Variants in OTOA observed in about 807,000 individuals in gnomAD.
OTOA encodes cancer/testis antigen 108.
Under a neutral mutation model 110.8 loss-of-function variants are expected in OTOA, and 70 were observed. The ratio of observed to expected loss-of-function variants is 0.63; its 90% CI spans 0.52 to 0.77. OTOA has a LOEUF of 0.77. Ranked by LOEUF, OTOA falls within the 30% of genes least tolerant of loss-of-function variation. The pLI, the probability that OTOA is intolerant of heterozygous loss-of-function variation, is 0.00. For missense variants in OTOA, 917 were observed against 1,075.8 expected, an observed-to-expected ratio of 0.85 and a Z score of 2.06; for synonymous variants, 373 against 431.5, an observed-to-expected ratio of 0.86 and a Z score of 1.68.
intron 12 of OTOA, 121 bp downstream of exon 12, chr16:21,705,413 C>T: frequency 6.8e-7 from 1 of 1,465,648 alleles, no homozygotes; most frequent in East Asian, 2.3e-5. Context: ...GATTTAAGTC[C>T]AGTCACAGCA....
chr16:21,750,602 G>C (rs1267186212), intron 24 of OTOA, among the ~76,000 whole-genome samples: 11 of 18,222 alleles, frequency 6.0e-4, no homozygotes, highest in Non-Finnish European at 9.6e-4. Flanking sequence ...CATGTGGTAG[G>C]TTCCAGCAGA....
At chr16:21,678,046 C>G (rs1297116071) in intron 1 of OTOA, among the ~76,000 whole-genome samples, 1 of 151,932 alleles carries the variant, frequency 6.6e-6, no homozygotes, top group African/African-American at 2.4e-5. Context: ...ACCACCATAC[C>G]CAGTTAATTT....
intron 22 of OTOA, among the ~76,000 whole-genome samples, chr16:21,736,854 A>G (rs1899320312): frequency 6.6e-6 from 1 of 152,312 alleles, no homozygotes; most frequent in Non-Finnish European, 1.5e-5. Flanking sequence ...ACACTTTTGT[A>G]AAGTGACCTG....
intron 18 of OTOA, 132 bp downstream of exon 18, chr16:21,723,110 T>G: frequency 1.2e-6 from 1 of 852,206 alleles, no homozygotes; most frequent in East Asian, 2.6e-5. Flanking sequence ...CTTAGAGAGT[T>G]AAGCCCTTGA....
chr16:21,714,300 TCTTC>T lies in OTOA; in HGVS notation c.1321-653_1321-650del, dbSNP rs753112398. On this transcript the variant is annotated intron_variant, in intron 13 of 28. Transcript: ENST00000646100. The stretch of plus-strand genomic sequence containing the variant: ...CCTCCTTCCTTTCTTTCTTTTCCTT[TCTTC>T]CTTCCTTCCTTCCTTCCTTCCTTCC... Among the ~76,000 whole-genome samples the T allele has an allele frequency of 3.9e-3, 389 of 100,432 alleles. 4 individuals carry two copies. The East Asian group carries it at 0.04, about 10-fold the overall frequency. 65.9% of individuals were successfully genotyped at this position (100,432 alleles called of 152,430 possible).
chr16:21,735,177 T>C (rs1428931029), intron 21 of OTOA, among the ~76,000 whole-genome samples: 2 of 150,230 alleles, frequency 1.3e-5, no homozygotes, highest in African/African-American at 4.9e-5. Context: ...AGAGGATTGA[T>C]TGGCTCATGG....
chr16:21,677,627 G>A (rs1966861623), intron 1 of OTOA, among the ~76,000 whole-genome samples: 2 of 148,584 alleles, frequency 1.3e-5, no homozygotes, highest in African/African-American at 5.0e-5. Flanking sequence ...GACTACAGGC[G>A]CCCGCCACCA....
chr16:21,699,569 C>A (rs899375606), intron 10 of OTOA, among the ~76,000 whole-genome samples: 1 of 151,944 alleles, frequency 6.6e-6, no homozygotes, highest in Admixed American at 6.6e-5. Context: ...CCCAGGAGGT[C>A]GAGGCTGCAA....
chr16:21,709,334 G>A (rs1597829209), intron 12 of OTOA, among the ~76,000 whole-genome samples: 1 of 152,226 alleles, frequency 6.6e-6, no homozygotes, highest in East Asian at 1.9e-4. Flanking sequence ...GACTGAGGCA[G>A]GAGAATCGCT....
At chr16:21,688,112 G>T (rs956721561) in intron 8 of OTOA, among the ~76,000 whole-genome samples, 1 of 152,170 alleles carries the variant, frequency 6.6e-6, no homozygotes, top group African/African-American at 2.4e-5. Context: ...GAGTTAGGCT[G>T]GGTGTGGTAG....
intron 21 of OTOA, among the ~76,000 whole-genome samples, chr16:21,735,756 A>G (rs113505066): frequency 3.3e-5 from 5 of 151,806 alleles, no homozygotes; most frequent in African/African-American, 1.2e-4. Flanking sequence ...ACCACGACTG[A>G]CTAATTTTTG....
At chr16:21,718,321 A>G (rs1898619450) in intron 15 of OTOA, among the ~76,000 whole-genome samples, 1 of 152,060 alleles carries the variant, frequency 6.6e-6, no homozygotes. Flanking sequence ...TGTCTCGGCC[A>G]TTGAGCTGAT....
intron 13 of OTOA, among the ~76,000 whole-genome samples, chr16:21,713,287 T>A (rs1898415688): frequency 6.6e-6 from 1 of 152,178 alleles, no homozygotes; most frequent in Admixed American, 6.5e-5. Context: ...TTCAAGTTTT[T>A]AAAGCTGGGT....
chr16:21,670,648 A>G (rs1966847790), intron 1 of OTOA, among the ~76,000 whole-genome samples: 1 of 152,234 alleles, frequency 6.6e-6, no homozygotes, highest in African/African-American at 2.4e-5. Context: ...TTCTCAGAGC[A>G]TAGAATAATG....
chr16:21,675,033 A>C (rs1277895902), intron 1 of OTOA, among the ~76,000 whole-genome samples: 2 of 139,594 alleles, frequency 1.4e-5, no homozygotes, highest in Non-Finnish European at 3.1e-5. Flanking sequence ...ACTTTACACA[A>C]ATTTGGTCAT....
At chr16:21,698,687 T>G (rs945971033) in intron 10 of OTOA, among the ~76,000 whole-genome samples, 2 of 152,140 alleles carry the variant, frequency 1.3e-5, no homozygotes, top group African/African-American at 2.4e-5. Context: ...ACGAGCTTTC[T>G]CTCTTTTACC....
chr16:21,685,411 G>T, intron 7 of OTOA, 50 bp downstream of exon 7: 1 of 1,600,474 alleles, frequency 6.2e-7, no homozygotes, highest in Non-Finnish European at 8.5e-7. Flanking sequence ...GCACCACGTG[G>T]TGTTTGTTGA....
At chr16:21,723,310 T>C (rs527989273) in intron 18 of OTOA, among the ~76,000 whole-genome samples, 2 of 152,308 alleles carry the variant, frequency 1.3e-5, no homozygotes, top group East Asian at 3.9e-4. Context: ...CAGTAGGCGT[T>C]TCTCCTGGCA....
At chr16:21,692,185 G>T (rs150584) in intron 9 of OTOA, among the ~76,000 whole-genome samples, 1 of 151,986 alleles carries the variant, frequency 6.6e-6, no homozygotes, top group African/African-American at 2.4e-5. Flanking sequence ...AGATTAACCG[G>T]GCGTGGTGGC....
Sources: allele counts gnomAD v4.1 joint callset (sites outside exome capture counted in the v4.1 genomes callset), GRCh38; gene constraint gnomAD v4.1.1; transcripts MANE v1.5; gene names NCBI Gene and HGNC (gene_info 2026-07-23, HGNC 2026-07-21).